Variants in NTM observed in about 807,000 individuals in gnomAD.
NTM encodes IgLON family member 2.
Under a neutral mutation model 42.1 loss-of-function variants are expected in NTM, and 13 were observed. The ratio of observed to expected loss-of-function variants is 0.31; its 90% CI spans 0.20 to 0.49. The LOEUF (loss-of-function observed/expected upper bound fraction) is 0.49, where lower values mean the gene tolerates loss of function less well. Ranked by LOEUF, NTM falls within the 20% of genes least tolerant of loss-of-function variation. The probability of loss-of-function intolerance (pLI) is 0.99; values close to 1 mark genes in which losing one functional copy is unlikely to be tolerated. For synonymous variants in NTM, 187 were observed against 179.2 expected, an observed-to-expected ratio of 1.04 and a Z score of -0.35; for missense variants, 373 against 452.8, an observed-to-expected ratio of 0.82 and a Z score of 1.60.
chr11:131,873,624 CATATATATAT>C (rs201906879), intron 1 of NTM, among the ~76,000 whole-genome samples: 3 of 112,104 alleles, frequency 2.7e-5, no homozygotes, highest in African/African-American at 1.2e-4. Context: ...TATATATATA[CATATATATAT>C]ACACATATAT....
chr11:131,394,085 A>G (rs948320723), intron 1 of NTM, among the ~76,000 whole-genome samples: 88 of 152,256 alleles, frequency 5.8e-4, no homozygotes, highest in Non-Finnish European at 1.0e-4. Context: ...GTACCGGAGA[A>G]GCAGGTCTTT....
chr11:131,835,936 C>G (rs1279378814), intron 1 of NTM, among the ~76,000 whole-genome samples: 2 of 152,054 alleles, frequency 1.3e-5, no homozygotes, highest in East Asian at 3.9e-4. Flanking sequence ...CAATGTTGAG[C>G]AAAAGAAGTC....
intron 3 of NTM, among the ~76,000 whole-genome samples, chr11:132,198,379 T>G (rs932454598): frequency 6.6e-6 from 1 of 152,054 alleles, no homozygotes; most frequent in Non-Finnish European, 1.5e-5. Context: ...AAAAATTTTT[T>G]TGGAAAGATG....
chr11:131,769,932 GC>G (rs1263193991), intron 1 of NTM, among the ~76,000 whole-genome samples: 15 of 152,150 alleles, frequency 9.9e-5, no homozygotes, highest in Non-Finnish European at 2.2e-4. Context: ...TCATTGGCAG[GC>G]TGCTCGCCAC....
rs2042710726 is a variant in NTM, at chr11:131,830,666, C to G, written c.83-80898C>G. ...TGGCTATTTGGGCTCTTTTTTGGTT[C>G]CATGTGAATTTTAGAATAGTTTTTT... On this transcript the variant is annotated intron_variant, in intron 1 of 8. Coordinates refer to ENST00000683400, the MANE Select transcript of NTM (RefSeq NM_001352005.2). 2.6e-5 allele frequency among the ~76,000 whole-genome samples: 4 copies of G among 152,008 alleles called. No individual in the cohort carries two copies. The South Asian group carries it at 8.3e-4, about 32-fold the overall frequency.
At chr11:131,916,099 C>T (rs949535014) in intron 2 of NTM, among the ~76,000 whole-genome samples, 6 of 152,154 alleles carry the variant, frequency 3.9e-5, no homozygotes, top group South Asian at 2.1e-4. Context: ...AAAACGTGGG[C>T]GATCACGCTG....
intron 3 of NTM, among the ~76,000 whole-genome samples, chr11:132,210,756 G>A (rs2138647837): frequency 6.6e-6 from 1 of 152,288 alleles, no homozygotes; most frequent in Middle Eastern, 3.4e-3. Context: ...TGCAATGGCT[G>A]GATGTTCCAC....
chr11:131,830,314 A>G (rs1025552217), intron 1 of NTM, among the ~76,000 whole-genome samples: 2 of 152,098 alleles, frequency 1.3e-5, no homozygotes, highest in Non-Finnish European at 2.9e-5. Context: ...CTTACATTTA[A>G]TCTTTAATCC....
At chr11:131,378,051 GC>G (rs370799533) in intron 1 of NTM, among the ~76,000 whole-genome samples, 44 of 152,296 alleles carry the variant, frequency 2.9e-4, no homozygotes, top group African/African-American at 9.4e-4. Flanking sequence ...TTGCAAACTT[GC>G]CATACCATAG....
intron 1 of NTM, among the ~76,000 whole-genome samples, chr11:131,734,348 G>A (rs1044766253): frequency 6.6e-6 from 1 of 152,150 alleles, no homozygotes; most frequent in African/African-American, 2.4e-5. Context: ...CATTGCCCTT[G>A]ACCCTTTCTG....
intron 1 of NTM, among the ~76,000 whole-genome samples, chr11:131,497,381 G>GT (rs11399889): frequency 0.68 from 103,455 of 151,380 alleles, 35,606 homozygotes; most frequent in East Asian, 0.81. Flanking sequence ...TAGAGACGGG[G>GT]TTTCACCATG....
chr11:131,614,127 G>A (rs967185920), intron 1 of NTM, among the ~76,000 whole-genome samples: 6 of 152,150 alleles, frequency 3.9e-5, no homozygotes, highest in Middle Eastern at 6.3e-3. Context: ...ATGGGCTACC[G>A]ACAGCCTTGA....
intron 1 of NTM, among the ~76,000 whole-genome samples, chr11:131,828,677 C>T (rs1313597901): frequency 1.3e-5 from 2 of 152,050 alleles, no homozygotes; most frequent in African/African-American, 4.8e-5. Flanking sequence ...ATTGTGATCA[C>T]CCACTGTCTT....
chr11:132,105,005 C>T (rs1355786989), intron 2 of NTM, among the ~76,000 whole-genome samples: 1 of 117,758 alleles, frequency 8.5e-6, no homozygotes, highest in Non-Finnish European at 1.7e-5. Flanking sequence ...CATGGGAAGC[C>T]AAATGAGGAG....
At chr11:132,060,076 C>G (rs1039879428) in intron 2 of NTM, among the ~76,000 whole-genome samples, 2 of 152,296 alleles carry the variant, frequency 1.3e-5, no homozygotes, top group South Asian at 2.1e-4. Flanking sequence ...GGGGATTCTT[C>G]CCTCCACATG....
In NTM at chr11:131,733,122, C is replaced by T. The variant is rs186342984; in HGVS notation, c.83-178442C>T. Among the ~76,000 whole-genome samples, 409 of 152,036 alleles carry T rather than the reference C, an allele frequency of 2.7e-3. 2 individuals carry two copies. The highest frequency in any genetic ancestry group is 4.1e-3 in the Non-Finnish European group (282 of 67,966). On this transcript the variant is annotated intron_variant, in intron 1 of 8. Coordinates refer to ENST00000683400, the MANE Select transcript of NTM (RefSeq NM_001352005.2). ...AGTAGTGTTGTTCATAATTTTTTGT[C>T]TATGTTAATGATTATTTTCGGAATA...
chr11:132,130,441 T>C (rs1159285666), intron 2 of NTM, among the ~76,000 whole-genome samples: 5 of 152,176 alleles, frequency 3.3e-5, no homozygotes, highest in South Asian at 4.1e-4. Context: ...AGCAATCATG[T>C]TGCTAATTTT....
chr11:131,859,780 A>G (rs1225195374), intron 1 of NTM, among the ~76,000 whole-genome samples: 1 of 152,174 alleles, frequency 6.6e-6, no homozygotes, highest in Non-Finnish European at 1.5e-5. Flanking sequence ...TACAAACAGT[A>G]TTGAAGAGGA....
At chr11:131,376,609 T>C (rs1354115886) in intron 1 of NTM, among the ~76,000 whole-genome samples, 1 of 151,616 alleles carries the variant, frequency 6.6e-6, no homozygotes, top group Non-Finnish European at 1.5e-5. Context: ...AGAAATCAAA[T>C]ATTGGAAAAC....
Sources: gnomAD v4.1 joint callset for allele counts (sites outside exome capture counted in the v4.1 genomes callset) on GRCh38, gnomAD v4.1.1 for gene constraint, MANE v1.5 for transcripts, NCBI Gene and HGNC (gene_info 2026-07-23, HGNC 2026-07-21) for gene names.